The following TEX36 variants were observed in gnomAD, a reference collection of about 807,000 sequenced individuals.
TEX36 encodes testis expressed 36.
In TEX36, 12 loss-of-function variants were observed where a neutral mutation model predicts 13.6. That is an observed-to-expected ratio of 0.88 (90% CI 0.56 to 1.43). The LOEUF (loss-of-function observed/expected upper bound fraction) is 1.43, where lower values mean the gene tolerates loss of function less well. TEX36 is among the 40% of genes most tolerant of loss of function. The probability of loss-of-function intolerance (pLI) is 0.00; values close to 1 mark genes in which losing one functional copy is unlikely to be tolerated. For missense variants in TEX36, 224 were observed against 228.3 expected, an observed-to-expected ratio of 0.98 and a Z score of 0.12; for synonymous variants, 93 against 83.0, an observed-to-expected ratio of 1.12 and a Z score of -0.65.
At chr10:125,681,183 G>A (rs944465523) in intron 1 of TEX36, among the ~76,000 whole-genome samples, 1 of 152,204 alleles carries the variant, frequency 6.6e-6, no homozygotes, top group Non-Finnish European at 1.5e-5. Context: ...ACTGTTTGGA[G>A]CTGGAGTCAT....
chr10:125,584,776 A>C (rs1329035676), intron 3 of TEX36, among the ~76,000 whole-genome samples: 1 of 152,232 alleles, frequency 6.6e-6, no homozygotes, highest in Non-Finnish European at 1.5e-5. Context: ...ACCTCACCAG[A>C]AACCAACTGT....
At chr10:125,677,312 C>T (rs1413994113) in intron 1 of TEX36, among the ~76,000 whole-genome samples, 1 of 152,120 alleles carries the variant, frequency 6.6e-6, no homozygotes, top group African/African-American at 2.4e-5. Context: ...TTCTTTGTCT[C>T]TTTTCTCTGG....
At chr10:125,675,699 C>G (rs1281382164) in intron 1 of TEX36, among the ~76,000 whole-genome samples, 1 of 152,218 alleles carries the variant, frequency 6.6e-6, no homozygotes, top group Non-Finnish European at 1.5e-5. Flanking sequence ...TCCTCACTCT[C>G]TGTGGGTCAT....
intron 3 of TEX36, among the ~76,000 whole-genome samples, chr10:125,637,768 C>A (rs933475036): frequency 9.9e-5 from 15 of 152,112 alleles, no homozygotes; most frequent in African/African-American, 3.4e-4. Context: ...GCCTCAAGAA[C>A]CTTGCCCCCA....
chr10:125,618,965 A>C (rs1014126399), downstream of TEX36, among the ~76,000 whole-genome samples: 167 of 145,270 alleles, frequency 1.1e-3, 1 homozygote, highest in Non-Finnish European at 2.2e-3. Flanking sequence ...AAAAAAAAAA[A>C]AAAAAATACA....
intron 3 of TEX36, among the ~76,000 whole-genome samples, chr10:125,626,208 C>A (rs771181459): frequency 6.6e-6 from 1 of 152,212 alleles, no homozygotes; most frequent in South Asian, 2.1e-4. Flanking sequence ...TTCGGTCCCA[C>A]GAGCCCTCCC....
chr10:125,680,318 G>T (rs1433974323), intron 1 of TEX36, among the ~76,000 whole-genome samples: 4 of 152,094 alleles, frequency 2.6e-5, no homozygotes, highest in South Asian at 4.1e-4. Flanking sequence ...ACTGAGTTGG[G>T]TTCATTTGTA....
chr10:125,618,376 T>C (rs558796379), downstream of TEX36, among the ~76,000 whole-genome samples: 1,453 of 152,240 alleles, frequency 9.5e-3, 7 homozygotes, highest in Middle Eastern at 0.024. Flanking sequence ...CTTTTTAGAG[T>C]TTCCAGTTTT....
At chr10:125,640,735 G>A (rs1043393778) in intron 3 of TEX36, among the ~76,000 whole-genome samples, 1 of 152,126 alleles carries the variant, frequency 6.6e-6, no homozygotes, top group Admixed American at 6.5e-5. Flanking sequence ...TACTCTCAAG[G>A]CAGAGCTGGG....
chr10:125,620,496 G>T (rs1220122973), downstream of TEX36, among the ~76,000 whole-genome samples: 2 of 152,098 alleles, frequency 1.3e-5, no homozygotes, highest in Non-Finnish European at 2.9e-5. Context: ...GCATTGATTT[G>T]TCAGACCATG....
intron 3 of TEX36, among the ~76,000 whole-genome samples, chr10:125,637,338 T>C (rs1846634643): frequency 6.6e-6 from 1 of 151,414 alleles, no homozygotes; most frequent in African/African-American, 2.4e-5. Flanking sequence ...AATTATGCAG[T>C]GTGTCTTCTT....
At chr10:125,616,398 T>C (rs1365118076) in intron 3 of TEX36, among the ~76,000 whole-genome samples, 1 of 138,372 alleles carries the variant, frequency 7.2e-6, no homozygotes, top group Non-Finnish European at 1.6e-5. Context: ...TTTGGATCTT[T>C]CCTGCTTTCT....
chr10:125,589,296 T>C (rs1281348380), intron 3 of TEX36, among the ~76,000 whole-genome samples: 2 of 152,230 alleles, frequency 1.3e-5, no homozygotes, highest in East Asian at 3.8e-4. Context: ...AGCTAAAACA[T>C]CTGCAAATAA....
intron 3 of TEX36, among the ~76,000 whole-genome samples, chr10:125,615,437 A>G (rs901126480): frequency 1.2e-4 from 18 of 151,938 alleles, no homozygotes; most frequent in African/African-American, 4.1e-4. Flanking sequence ...GATAGCTCTT[A>G]TTATTTTGAG....
intron 3 of TEX36, among the ~76,000 whole-genome samples, chr10:125,631,961 T>A (rs1846562628): frequency 6.6e-6 from 1 of 152,010 alleles, no homozygotes; most frequent in African/African-American, 2.4e-5. Context: ...GGAGAAGCCC[T>A]CCGTGTGGTG....
At chr10:125,591,749 C>G (rs746296441) in intron 3 of TEX36, among the ~76,000 whole-genome samples, 2 of 152,196 alleles carry the variant, frequency 1.3e-5, no homozygotes, top group Non-Finnish European at 2.9e-5. Flanking sequence ...AAATATCCCT[C>G]AGACTCAGAG....
At chr10:125,628,098 T>C (rs1209963257) in intron 3 of TEX36, among the ~76,000 whole-genome samples, 2 of 152,200 alleles carry the variant, frequency 1.3e-5, no homozygotes, top group Non-Finnish European at 2.9e-5. Context: ...TTTGAGACCA[T>C]GTAATGATAA....
chr10:125,621,232 AG>A (rs1279688699), downstream of TEX36, among the ~76,000 whole-genome samples: 1 of 152,172 alleles, frequency 6.6e-6, no homozygotes, highest in African/African-American at 2.4e-5. Flanking sequence ...GGAATTGCTG[AG>A]TCATGTGGTA....
chr10:125,642,786 C>A (rs529656070), intron 3 of TEX36, among the ~76,000 whole-genome samples: 49 of 152,308 alleles, frequency 3.2e-4, no homozygotes, highest in Middle Eastern at 3.4e-3. Context: ...CAAACGGAGA[C>A]CAGGCCTCAG....
Sources: allele counts gnomAD v4.1 joint callset (sites outside exome capture counted in the v4.1 genomes callset), GRCh38; gene constraint gnomAD v4.1.1; transcripts MANE v1.5; gene names NCBI Gene and HGNC (gene_info 2026-07-23, HGNC 2026-07-21).